CYFIP1: variants seen among roughly 807,000 people sequenced by gnomAD.
CYFIP1 encodes cytoplasmic FMR1 interacting protein 1.
Under a neutral mutation model 163.5 loss-of-function variants are expected in CYFIP1, and 58 were observed. The observed-to-expected ratio is 0.35, with a 90% CI of 0.29 to 0.44. CYFIP1 has a LOEUF of 0.44. Among genes scored for constraint, CYFIP1 ranks in the 20% least tolerant of loss-of-function variants. The pLI is 1.00. For synonymous variants in CYFIP1, 663 were observed against 660.7 expected (o/e 1.00, Z -0.05); for missense variants, 1,338 against 1,653.8 (o/e 0.81, Z 3.31).
chr15:22,942,877 C>T (rs1320192769), intron 6 of CYFIP1, among the ~76,000 whole-genome samples: 8 of 152,230 alleles, frequency 5.3e-5, no homozygotes, highest in South Asian at 2.1e-4. Flanking sequence ...GCTAGGCCTA[C>T]ATCTTGTGCA....
At chr15:22,949,232 G>A (rs2062164945) in intron 1 of CYFIP1, among the ~76,000 whole-genome samples, 1 of 151,388 alleles carries the variant, frequency 6.6e-6, no homozygotes, top group Non-Finnish European at 1.5e-5. Context: ...TCCCCCCGGG[G>A]ACCAGGCAGG....
At chr15:22,963,747 G>A (rs907439676) in intron 1 of CYFIP1, among the ~76,000 whole-genome samples, 6 of 152,206 alleles carry the variant, frequency 3.9e-5, no homozygotes, top group African/African-American at 1.4e-4. Flanking sequence ...GCCAGAGCAC[G>A]GCCACAACAT....
intron 22 of CYFIP1, among the ~76,000 whole-genome samples, chr15:22,895,161 C>G (rs1410086611): frequency 2.6e-5 from 4 of 151,998 alleles, no homozygotes; most frequent in Non-Finnish European, 4.4e-5. Flanking sequence ...ACTACAGGCG[C>G]CCGCCACCAA....
Position 22,943,283 on chromosome 15 carries a change from C to T in CYFIP1, c.459G>A (p.Val153=). 6.2e-7 allele frequency: 1 copy of T among 1,614,208 alleles called. No individual in the cohort carries two copies. The part of the protein sequence containing the change: ...LCHAERRKDF[V]SEAYLITLGK... ...CCAGTGTGATCAGGTAGGCTTCTGA[C>T]ACGAAGTCCTTCCTCCTCTCGGCAT... The change falls in exon 6 of 31, where the codon GTG becomes GTA. Residue 153 remains valine (V), a synonymous_variant. Coordinates refer to ENST00000617928, the MANE Select transcript of CYFIP1 (RefSeq NM_014608.6).
At chr15:22,903,961 G>A (rs1219650857) in intron 21 of CYFIP1, 56 bp from the exon 22 acceptor site, 20 of 1,528,458 alleles carry the variant, frequency 1.3e-5, no homozygotes, top group Admixed American at 3.6e-5. Context: ...GGAAGGAGGC[G>A]CCGAGTGGCC....
intron 26 of CYFIP1, among the ~76,000 whole-genome samples, chr15:22,876,544 T>G (rs2059589898): frequency 6.6e-6 from 1 of 151,994 alleles, no homozygotes; most frequent in Non-Finnish European, 1.5e-5. Context: ...AAGAGTTTGT[T>G]TATGTGAAGA....
chr15:22,870,862 C>T (rs750682888), intron 30 of CYFIP1, among the ~76,000 whole-genome samples: 2 of 152,178 alleles, frequency 1.3e-5, no homozygotes, highest in South Asian at 2.1e-4. Flanking sequence ...AATACTGTGA[C>T]GGGATACTCT....
At chr15:22,941,767 T>C (rs568217054) in intron 6 of CYFIP1, among the ~76,000 whole-genome samples, 1 of 152,184 alleles carries the variant, frequency 6.6e-6, no homozygotes, top group African/African-American at 2.4e-5. Context: ...TGTAAACTGT[T>C]TTACAGACTA....
chr15:22,980,719 C>T (rs962125666), upstream of CYFIP1, among the ~76,000 whole-genome samples: 14 of 151,954 alleles, frequency 9.2e-5, no homozygotes, highest in African/African-American at 3.4e-4. Flanking sequence ...CGGGGGTTGG[C>T]CTGAGCTGCG....
intron 21 of CYFIP1, chr15:22,904,941 T>A (rs1351924417): frequency 2.0e-5 from 3 of 152,106 alleles, no homozygotes; most frequent in African/African-American, 7.2e-5. Flanking sequence ...GAATGAACAA[T>A]CCTCTGGAGC....
At chr15:22,940,824 T>C (rs1396760808) in intron 6 of CYFIP1, among the ~76,000 whole-genome samples, 1 of 152,164 alleles carries the variant, frequency 6.6e-6, no homozygotes, top group Non-Finnish European at 1.5e-5. Flanking sequence ...GCAAATCACT[T>C]GAGTCAGGCG....
At chr15:22,934,810 A>T (rs1242158714) in intron 9 of CYFIP1, among the ~76,000 whole-genome samples, 3 of 152,050 alleles carry the variant, frequency 2.0e-5, no homozygotes, top group South Asian at 2.1e-4. Flanking sequence ...CTGCATTTCT[A>T]TATACTAGCA....
chr15:22,972,599 A>G (rs1263424035), intron 1 of CYFIP1, among the ~76,000 whole-genome samples: 2 of 152,196 alleles, frequency 1.3e-5, no homozygotes, highest in Non-Finnish European at 1.5e-5. Flanking sequence ...AAGAACACAC[A>G]ATGAGAAAAG....
intron 22 of CYFIP1, among the ~76,000 whole-genome samples, chr15:22,895,349 C>T (rs2060209122): frequency 6.6e-6 from 1 of 152,130 alleles, no homozygotes; most frequent in Non-Finnish European, 1.5e-5. Flanking sequence ...CAGGGTCTTG[C>T]CACGTTGGCC....
intron 22 of CYFIP1, among the ~76,000 whole-genome samples, chr15:22,899,042 T>C (rs916296672): frequency 3.3e-5 from 5 of 151,982 alleles, no homozygotes; most frequent in African/African-American, 4.8e-5. Context: ...CTCCTTATGT[T>C]GCCTAGGCTG....
At chr15:22,927,847 T>C (rs2061406178) in intron 12 of CYFIP1, 59 bp downstream of exon 12, 7 of 1,513,770 alleles carry the variant, frequency 4.6e-6, no homozygotes, top group Admixed American at 2.7e-5. Context: ...CAAAAGTTAA[T>C]GTGAATAAAG....
At chr15:22,975,441 C>CAAAAAAA (rs35556120) in intron 1 of CYFIP1, among the ~76,000 whole-genome samples, 1 of 71,342 alleles carries the variant, frequency 1.4e-5, no homozygotes, top group African/African-American at 6.0e-5. Flanking sequence ...GACTCCGTCT[C>CAAAAAAA]AAAAAAAAAA....
chr15:22,889,136 A>G lies in CYFIP1; in HGVS notation c.2676+3754T>C, dbSNP rs182050311. ...ACGACACAAACAGTTTCTGAAACGGAGGCAGAAATCTCTTACAGTGAGGTT... is the reference window on the plus strand; with the variant it reads ...ACGACACAAACAGTTTCTGAAACGGGGGCAGAAATCTCTTACAGTGAGGTT... On this transcript the variant is annotated intron_variant, in intron 23 of 30. Transcript: ENST00000617928. Among the ~76,000 whole-genome samples the G allele has an allele frequency of 7.2e-5, 11 of 152,346 alleles. No individual in the cohort carries two copies. The East Asian group carries it at 1.7e-3, about 24-fold the overall frequency.
rs1310817586 is a variant in CYFIP1, at chr15:22,868,874, G to GGACTT, written c.*1149_*1153dup. On this transcript the variant is annotated 3_prime_UTR_variant, in exon 31 of 31. Coordinates refer to ENST00000617928, the MANE Select transcript of CYFIP1 (RefSeq NM_014608.6). ...TAAAGTGAGTTCAGTTAATCATGCT[G>GGACTT]GACTTGTGTTTATCTGTAGTATTCA... 5 of 152,236 alleles carry GGACTT rather than the reference G, an allele frequency of 3.3e-5. No homozygotes were observed. Among genetic ancestry groups the GGACTT allele is most frequent in the Non-Finnish European group, 5.9e-5 (4 of 68,026 alleles). 9.4% of individuals were successfully genotyped at this position (152,236 alleles called of 1,614,324 possible).
Sources: allele counts gnomAD v4.1 joint callset (sites outside exome capture counted in the v4.1 genomes callset), GRCh38; gene constraint gnomAD v4.1.1; transcripts MANE v1.5; gene names NCBI Gene and HGNC (gene_info 2026-07-23, HGNC 2026-07-21).